Variants in GRHL2 observed in about 807,000 individuals in gnomAD.
GRHL2 encodes the protein grainyhead like transcription factor 2, also known as grainyhead-like protein 2 homolog.
In GRHL2, 21 loss-of-function variants were observed where a neutral mutation model predicts 83.8. That is an observed-to-expected ratio of 0.25 (90% confidence interval 0.18 to 0.36). GRHL2 has a LOEUF of 0.36. Ranked by LOEUF, GRHL2 falls within the 10% of genes least tolerant of loss-of-function variation. The pLI, the probability that GRHL2 is intolerant of heterozygous loss-of-function variation, is 1.00. For synonymous variants in GRHL2, 280 were observed against 278.9 expected (o/e 1.00, Z -0.04); for missense variants, 623 against 781.8 (o/e 0.80, Z 2.42).
At chr8:101,570,088 A>G (rs1345239050) in intron 4 of GRHL2, among the ~76,000 whole-genome samples, 1 of 152,006 alleles carries the variant, frequency 6.6e-6, no homozygotes, top group Non-Finnish European at 1.5e-5. Flanking sequence ...AGTACCTCAA[A>G]CTCTGTAGGA....
chr8:101,649,280 A>T lies in GRHL2; in HGVS notation c.1613-134A>T, dbSNP rs1200893682. On this transcript the variant is annotated intron_variant, in intron 13 of 15. Coordinates refer to ENST00000646743, the MANE Select transcript of GRHL2 (RefSeq NM_024915.4). ...CAGTCACCCTTGTTGAATGTTAGTT[A>T]TCTGGACCAGGGTTCTGAGGCTTCG... 5 of 717,110 alleles carry T rather than the reference A, an allele frequency of 7.0e-6. No homozygotes were observed. The Admixed American group carries it at 1.0e-4, about 14-fold the overall frequency. The allele number at this position is 717,110 out of a possible 1,614,324, so 44.4% of individuals were successfully genotyped here.
At chr8:101,578,811 C>A (rs1158095978) in intron 7 of GRHL2, among the ~76,000 whole-genome samples, 1 of 152,200 alleles carries the variant, frequency 6.6e-6, no homozygotes, top group East Asian at 1.9e-4. Flanking sequence ...CTGGCTAGGA[C>A]TTCTTGACCA....
chr8:101,587,868 A>C (rs1442066251), intron 7 of GRHL2, among the ~76,000 whole-genome samples: 1 of 152,196 alleles, frequency 6.6e-6, no homozygotes, highest in Non-Finnish European at 1.5e-5. Context: ...TGTGGCCTTC[A>C]ATAGAAACAA....
At chr8:101,576,334 C>T (rs1811932907) in intron 6 of GRHL2, among the ~76,000 whole-genome samples, 1 of 152,156 alleles carries the variant, frequency 6.6e-6, no homozygotes, top group African/African-American at 2.4e-5. Flanking sequence ...CCTGTCTCAG[C>T]CTTCCAAGTA....
At chr8:101,577,574 A>C in intron 7 of GRHL2, 55 bp downstream of exon 7, 16 of 1,192,784 alleles carry the variant, frequency 1.3e-5, no homozygotes, top group Non-Finnish European at 1.9e-5. Flanking sequence ...ATGTTGTCTC[A>C]ATGCCAAGGG....
chr8:101,644,298 T>A (rs1813465360), intron 13 of GRHL2, 73 bp downstream of exon 13: 1 of 1,213,848 alleles, frequency 8.2e-7, no homozygotes, highest in Non-Finnish European at 1.2e-6. Context: ...CTTGCAGCCC[T>A]CTTGCCCAGG....
intron 12 of GRHL2, among the ~76,000 whole-genome samples, chr8:101,637,872 C>T (rs1468018812): frequency 2.0e-5 from 3 of 152,180 alleles, no homozygotes; most frequent in Non-Finnish European, 4.4e-5. Flanking sequence ...ACACCCCTTT[C>T]CTCCCTGCAA....
chr8:101,627,779 G>A (rs1174641446), intron 9 of GRHL2, among the ~76,000 whole-genome samples: 1 of 152,126 alleles, frequency 6.6e-6, no homozygotes, highest in African/African-American at 2.4e-5. Context: ...CAAATGATAA[G>A]AAAGTGAAAC....
At chr8:101,582,845 GTGTGTGTGTGTA>G (rs1812085432) in intron 7 of GRHL2, among the ~76,000 whole-genome samples, 1 of 152,110 alleles carries the variant, frequency 6.6e-6, no homozygotes, top group Non-Finnish European at 1.5e-5. Flanking sequence ...AGATATTCAA[GTGTGTGTGTGTA>G]TGTGTGTGTA....
intron 9 of GRHL2, among the ~76,000 whole-genome samples, chr8:101,621,716 C>A (rs1041635799): frequency 6.6e-6 from 1 of 151,880 alleles, no homozygotes; most frequent in South Asian, 2.1e-4. Context: ...GGCAACAAAG[C>A]GAGACCCCTG....
At chr8:101,648,436 A>G (rs1390727039) in intron 13 of GRHL2, among the ~76,000 whole-genome samples, 3 of 152,182 alleles carry the variant, frequency 2.0e-5, no homozygotes, top group South Asian at 2.1e-4. Flanking sequence ...AACCATGACA[A>G]CTGCTTCCCC....
At chr8:101,521,221 A>G (rs1165038020) in intron 1 of GRHL2, among the ~76,000 whole-genome samples, 1 of 152,160 alleles carries the variant, frequency 6.6e-6, no homozygotes, top group Non-Finnish European at 1.5e-5. Flanking sequence ...CAGCAGGGCC[A>G]TGGGGTGGGG....
chr8:101,642,132 A>G (rs1392493138), intron 12 of GRHL2, among the ~76,000 whole-genome samples: 1 of 151,786 alleles, frequency 6.6e-6, no homozygotes, highest in African/African-American at 2.4e-5. Flanking sequence ...ACATCTGTCA[A>G]ATGGGGCAGT....
chr8:101,544,514 C>A (rs1462317268), intron 2 of GRHL2, among the ~76,000 whole-genome samples: 1 of 152,104 alleles, frequency 6.6e-6, no homozygotes, highest in Non-Finnish European at 1.5e-5. Context: ...CCTGGTATGA[C>A]CTGCTCCTTT....
intron 4 of GRHL2, among the ~76,000 whole-genome samples, chr8:101,565,911 T>G (rs1811708260): frequency 6.6e-6 from 1 of 152,242 alleles, no homozygotes; most frequent in Non-Finnish European, 1.5e-5. Flanking sequence ...AAGTAATGAC[T>G]ATTTGTCATT....
At chr8:101,603,185 A>G (rs1563602581) in intron 8 of GRHL2, among the ~76,000 whole-genome samples, 2 of 152,184 alleles carry the variant, frequency 1.3e-5, no homozygotes, top group East Asian at 1.9e-4. Flanking sequence ...AGTTTTATAT[A>G]TCATCTTTGA....
chr8:101,505,577 C>CA (rs11395323), intron 1 of GRHL2, among the ~76,000 whole-genome samples: 38,449 of 100,988 alleles, frequency 0.38, 8,996 homozygotes, highest in South Asian at 0.53. Context: ...AACTCTGTCT[C>CA]AAAAAAAAAA....
chr8:101,623,640 GTTC>G, intron 9 of GRHL2, among the ~76,000 whole-genome samples: 1 of 152,070 alleles, frequency 6.6e-6, no homozygotes, highest in African/African-American at 2.4e-5. Flanking sequence ...CAGTAGGACA[GTTC>G]ACAGTAAGAC....
Position 101,600,893 on chromosome 8 carries a change from G to A in GRHL2, c.1098+1742G>A, listed in dbSNP as rs759054588. On this transcript the variant is annotated intron_variant, in intron 8 of 15. Transcript: ENST00000646743. ...TGTTAAAGGACCAGGCATGGTGGCC[G>A]ATGCCTGTAACCCCAGCACTTTGAG... Among the ~76,000 whole-genome samples, 9 of 152,276 alleles carry A rather than the reference G, an allele frequency of 5.9e-5. 1 individual carries two copies. The East Asian group carries it at 9.7e-4, about 16-fold the overall frequency.
Sources: allele counts gnomAD v4.1 joint callset (sites outside exome capture counted in the v4.1 genomes callset), GRCh38; gene constraint gnomAD v4.1.1; transcripts MANE v1.5; gene names NCBI Gene and HGNC (gene_info 2026-07-23, HGNC 2026-07-21).